Variants in FRMD5 observed in about 807,000 individuals in gnomAD.
FRMD5 encodes FERM domain-containing protein 5.
In FRMD5, 20 loss-of-function variants were observed where a neutral mutation model predicts 69.0. The observed-to-expected ratio is 0.29, with a 90% CI of 0.20 to 0.42. The LOEUF is 0.42. Among genes scored for constraint, FRMD5 ranks in the 10% least tolerant of loss-of-function variants. The pLI, the probability that FRMD5 is intolerant of heterozygous loss-of-function variation, is 1.00. For synonymous variants in FRMD5, 271 were observed against 260.1 expected (o/e 1.04, Z -0.40); for missense variants, 595 against 708.6 (o/e 0.84, Z 1.82).
chr15:44,033,599 T>C (rs1175979785), intron 1 of FRMD5, among the ~76,000 whole-genome samples: 3 of 152,218 alleles, frequency 2.0e-5, no homozygotes, highest in African/African-American at 7.2e-5. Flanking sequence ...CTTTGTAAGA[T>C]TTTTGTACAG....
At chr15:44,096,749 G>A (rs112745543) in intron 1 of FRMD5, among the ~76,000 whole-genome samples, 2,608 of 152,128 alleles carry the variant, frequency 0.017, 43 homozygotes, top group Non-Finnish European at 0.025. Flanking sequence ...TTGTAGAAGG[G>A]AATTTGCAGG....
chr15:43,917,440 G>C (rs994340275), intron 4 of FRMD5, among the ~76,000 whole-genome samples: 2 of 152,274 alleles, frequency 1.3e-5, no homozygotes, highest in East Asian at 1.9e-4. Flanking sequence ...ACTCAGGCTG[G>C]AGTGTAATGC....
At chr15:44,121,651 CA>C (rs528072178) in intron 1 of FRMD5, among the ~76,000 whole-genome samples, 4 of 135,320 alleles carry the variant, frequency 3.0e-5, no homozygotes, top group South Asian at 2.4e-4. Flanking sequence ...GGAAACTTAC[CA>C]AAAAAAAAAC....
At chr15:43,919,631 C>A in intron 3 of FRMD5, 94 bp from the exon 4 acceptor site, 1 of 1,455,270 alleles carries the variant, frequency 6.9e-7, no homozygotes, top group Non-Finnish European at 9.6e-7. Context: ...AGAAGAGAAC[C>A]CTCATATATT....
At chr15:43,919,613 G>T in intron 3 of FRMD5, 76 bp from the exon 4 acceptor site, 1 of 1,481,844 alleles carries the variant, frequency 6.7e-7, no homozygotes, top group Non-Finnish European at 9.4e-7. Context: ...CCACTAGCAT[G>T]AAGCAGCAGA....
intron 1 of FRMD5, among the ~76,000 whole-genome samples, chr15:44,056,282 A>G (rs1260388473): frequency 6.6e-6 from 1 of 152,230 alleles, no homozygotes; most frequent in African/African-American, 2.4e-5. Context: ...CTAGCATACA[A>G]ACAAACCAGG....
chr15:44,082,264 T>C (rs1357327175), intron 1 of FRMD5, among the ~76,000 whole-genome samples: 1 of 151,920 alleles, frequency 6.6e-6, no homozygotes, highest in Non-Finnish European at 1.5e-5. Flanking sequence ...AAACACTCTA[T>C]CTGCTAATCG....
At chr15:44,111,263 C>T (rs1595475340) in intron 1 of FRMD5, among the ~76,000 whole-genome samples, 1 of 152,156 alleles carries the variant, frequency 6.6e-6, no homozygotes, top group African/African-American at 2.4e-5. Context: ...CAATGCTTAG[C>T]TAATTTTTTC....
rs1049519498 is a variant in FRMD5, at chr15:43,903,241, G to T, written c.552-979C>A. Among the ~76,000 whole-genome samples the T allele has an allele frequency of 3.3e-5, 5 of 152,346 alleles. No homozygotes were observed. The East Asian group carries it at 5.8e-4, about 18-fold the overall frequency. On this transcript the variant is annotated intron_variant, in intron 6 of 13. Transcript: ENST00000417257. ...AGGTTTGGCTTCAGTGAGGAGGGGT[G>T]GGCAGCTTGTGAAGTCAACATCTCT... is the stretch of plus-strand genomic sequence containing the variant.
chr15:43,998,047 A>G lies in FRMD5; in HGVS notation c.103-73738T>C, dbSNP rs1434811279. Among the ~76,000 whole-genome samples the G allele has an allele frequency of 2.6e-5, 4 of 152,292 alleles. No homozygotes were observed. The East Asian group carries it at 5.8e-4, about 22-fold the overall frequency. ...TGAGGTATTTCCTACATCACACTAAAGAGACTTTGTTAGATAATATAATTA... is the reference window on the plus strand; with the variant it reads ...TGAGGTATTTCCTACATCACACTAAGGAGACTTTGTTAGATAATATAATTA... On this transcript the variant is annotated intron_variant, in intron 1 of 13. Transcript: ENST00000417257.
At chr15:44,069,420 C>G (rs1893439275) in intron 1 of FRMD5, among the ~76,000 whole-genome samples, 1 of 151,960 alleles carries the variant, frequency 6.6e-6, no homozygotes, top group Non-Finnish European at 1.5e-5. Context: ...AAACTGGAAG[C>G]AATCCAGATG....
At chr15:44,023,567 A>T (rs1891305351) in intron 1 of FRMD5, among the ~76,000 whole-genome samples, 1 of 152,148 alleles carries the variant, frequency 6.6e-6, no homozygotes, top group South Asian at 2.1e-4. Flanking sequence ...AGCTCCTCTC[A>T]ACTTAAACGT....
intron 1 of FRMD5, among the ~76,000 whole-genome samples, chr15:44,159,367 T>C (rs949689366): frequency 1.3e-5 from 2 of 152,030 alleles, no homozygotes; most frequent in African/African-American, 4.8e-5. Flanking sequence ...TTGTATTCCA[T>C]GGTAAAGGAG....
At chr15:43,979,129 G>C (rs1270318163) in intron 1 of FRMD5, among the ~76,000 whole-genome samples, 2 of 152,080 alleles carry the variant, frequency 1.3e-5, no homozygotes, top group East Asian at 3.9e-4. Context: ...CCTGAGGCCA[G>C]CAGTTCAAGA....
chr15:44,132,920 G>C (rs748915210), intron 1 of FRMD5, among the ~76,000 whole-genome samples: 8 of 151,720 alleles, frequency 5.3e-5, no homozygotes, highest in Non-Finnish European at 7.4e-5. Flanking sequence ...TTGCCACCAT[G>C]CCTGGCTAAT....
upstream of FRMD5, among the ~76,000 whole-genome samples, chr15:44,195,536 A>G (rs1173797557): frequency 6.6e-6 from 1 of 152,200 alleles, no homozygotes; most frequent in Non-Finnish European, 1.5e-5. Flanking sequence ...CCCCCGGGCC[A>G]GGTGTGAGCA....
intron 1 of FRMD5, among the ~76,000 whole-genome samples, chr15:43,943,042 G>T (rs972291704): frequency 7.2e-5 from 11 of 152,166 alleles, no homozygotes; most frequent in African/African-American, 2.4e-4. Context: ...GGGAGTTCAA[G>T]ACCAGCCTGA....
At chr15:44,005,419 C>T (rs138893177) in intron 1 of FRMD5, among the ~76,000 whole-genome samples, 2,940 of 139,172 alleles carry the variant, frequency 0.021, 39 homozygotes, top group Middle Eastern at 0.083. Flanking sequence ...TGCAGTGAGC[C>T]GAGATCACGC....
At chr15:44,046,548 T>C (rs1203805908) in intron 1 of FRMD5, among the ~76,000 whole-genome samples, 1 of 152,220 alleles carries the variant, frequency 6.6e-6, no homozygotes, top group Non-Finnish European at 1.5e-5. Context: ...AAATACTGGC[T>C]CAAGAGGCTA....
Sources: allele counts gnomAD v4.1 joint callset (sites outside exome capture counted in the v4.1 genomes callset), GRCh38; gene constraint gnomAD v4.1.1; transcripts MANE v1.5; gene names NCBI Gene and HGNC (gene_info 2026-07-23, HGNC 2026-07-21).